Variants in SLC13A1 observed in about 807,000 individuals in gnomAD.
SLC13A1 encodes Na(+)/sulfate cotransporter.
SLC13A1 carries 65 observed loss-of-function variants against 70.0 expected under a neutral mutation model. The ratio of observed to expected loss-of-function variants is 0.93; its 90% CI spans 0.76 to 1.14. The LOEUF is 1.14. SLC13A1 is among the 50% of genes most tolerant of loss of function. SLC13A1 has a pLI of 0.00. For missense variants in SLC13A1, 726 were observed against 717.8 expected (o/e 1.01, Z -0.13); for synonymous variants, 275 against 250.5 (o/e 1.10, Z -0.92).
At chr7:123,154,007 A>G (rs542407831) in intron 6 of SLC13A1, among the ~76,000 whole-genome samples, 1 of 152,118 alleles carries the variant, frequency 6.6e-6, no homozygotes, top group South Asian at 2.1e-4. Context: ...TTTAACATAT[A>G]AAGGAATTAT....
chr7:123,189,414 T>C (rs1795926502), intron 1 of SLC13A1, among the ~76,000 whole-genome samples: 1 of 152,132 alleles, frequency 6.6e-6, no homozygotes, highest in Non-Finnish European at 1.5e-5. Flanking sequence ...TAAAAATAAG[T>C]TCTTACAGAA....
intron 1 of SLC13A1, among the ~76,000 whole-genome samples, chr7:123,196,091 A>G (rs1796168263): frequency 6.6e-6 from 1 of 152,116 alleles, no homozygotes; most frequent in African/African-American, 2.4e-5. Flanking sequence ...AGTTGCACAT[A>G]GAATATTACT....
intron 2 of SLC13A1, among the ~76,000 whole-genome samples, chr7:123,178,153 T>C: frequency 6.6e-6 from 1 of 152,078 alleles, no homozygotes; most frequent in East Asian, 1.9e-4. Context: ...TTGAACATAC[T>C]CTAAATACTT....
intron 6 of SLC13A1, among the ~76,000 whole-genome samples, chr7:123,161,804 T>C (rs1321152488): frequency 6.6e-6 from 1 of 152,148 alleles, no homozygotes; most frequent in African/African-American, 2.4e-5. Flanking sequence ...ATTTGGACTA[T>C]AGCTAACTTG....
intron 6 of SLC13A1, among the ~76,000 whole-genome samples, chr7:123,157,986 A>G (rs1487930029): frequency 1.3e-5 from 2 of 152,116 alleles, no homozygotes; most frequent in Non-Finnish European, 2.9e-5. Flanking sequence ...TTCTTAAAGC[A>G]CTAATTTATG....
chr7:123,124,512 AATCCCAGTTCC>A (rs1793495160), intron 11 of SLC13A1, among the ~76,000 whole-genome samples: 1 of 152,216 alleles, frequency 6.6e-6, no homozygotes. Context: ...CAACTACATA[AATCCCAGTTCC>A]ATCCCCATAA....
intron 6 of SLC13A1, among the ~76,000 whole-genome samples, chr7:123,163,602 A>T (rs1271760450): frequency 6.6e-6 from 1 of 152,092 alleles, no homozygotes; most frequent in African/African-American, 2.4e-5. Flanking sequence ...AGTTCTATTA[A>T]CAAGAATTTT....
chr7:123,180,569 C>G (rs1412929383), intron 2 of SLC13A1, among the ~76,000 whole-genome samples: 1 of 152,084 alleles, frequency 6.6e-6, no homozygotes, highest in African/African-American at 2.4e-5. Context: ...TTTGAAATGG[C>G]AGGTTTCTGG....
intron 10 of SLC13A1, among the ~76,000 whole-genome samples, chr7:123,127,729 A>G (rs1793606898): frequency 6.6e-6 from 1 of 151,946 alleles, no homozygotes; most frequent in Non-Finnish European, 1.5e-5. Flanking sequence ...AAACATTGAC[A>G]ATGCCTATAA....
chr7:123,191,277 T>G (rs1314061884), intron 1 of SLC13A1, among the ~76,000 whole-genome samples: 1 of 152,182 alleles, frequency 6.6e-6, no homozygotes, highest in Non-Finnish European at 1.5e-5. Context: ...GTTTGCTTCC[T>G]GTGAGCCATC....
chr7:123,197,316 T>C (rs777900773), intron 1 of SLC13A1, among the ~76,000 whole-genome samples: 3 of 152,126 alleles, frequency 2.0e-5, no homozygotes, highest in Non-Finnish European at 1.5e-5. Context: ...TTATTTTTTA[T>C]AATTGTGGTT....
chr7:123,142,727 C>G (rs1161768768), intron 7 of SLC13A1, among the ~76,000 whole-genome samples: 2 of 147,308 alleles, frequency 1.4e-5, no homozygotes, highest in African/African-American at 2.5e-5. Context: ...AAGCGATTCT[C>G]CTGCCTCAGC....
intron 7 of SLC13A1, among the ~76,000 whole-genome samples, chr7:123,136,292 G>A (rs1481842624): frequency 6.6e-6 from 1 of 152,156 alleles, no homozygotes; most frequent in Non-Finnish European, 1.5e-5. Flanking sequence ...GCCTGAAAAA[G>A]TTAAACTTCA....
intron 2 of SLC13A1, 144 bp from the exon 3 acceptor site, chr7:123,172,048 G>T (rs893840681): frequency 1.3e-6 from 1 of 742,002 alleles, no homozygotes; most frequent in Non-Finnish European, 2.1e-6. Flanking sequence ...AGATGTGTTT[G>T]AATACAAATT....
At chr7:123,191,445 TCTG>T (rs1795994380) in intron 1 of SLC13A1, among the ~76,000 whole-genome samples, 1 of 152,252 alleles carries the variant, frequency 6.6e-6, no homozygotes, top group Non-Finnish European at 1.5e-5. Context: ...TGTTTGCTTT[TCTG>T]ACTCATTCTG....
Position 123,134,549 on chromosome 7 carries a change from C to G in SLC13A1, c.813-20G>C, listed in dbSNP as rs2470983. 1.2e-6 allele frequency: 2 copies of G among 1,609,148 alleles called. No individual in the cohort carries two copies. Among genetic ancestry groups the G allele is most frequent in the Admixed American group, 3.4e-5 (2 of 59,668 alleles). ...TAGCGTCTGTGTGAAAACATGGAGA[C>G]GTGTTCAGGGATGGAGAGACAGGTG... On this transcript the variant is annotated intron_variant, in intron 7 of 14. Transcript: ENST00000194130.
Position 123,169,285 on chromosome 7 carries a change from C to A in SLC13A1, c.416G>T (p.Ser139Ile), listed in dbSNP as rs1346636223. 6.2e-7 allele frequency: 1 copy of A among 1,613,804 alleles called. No individual in the cohort carries two copies. The highest frequency in any genetic ancestry group is 1.1e-5 in the South Asian group (1 of 91,078). The change falls in exon 4 of 15, where the codon AGC (serine) becomes ATC (isoleucine). Residue 139 changes from serine (S) to isoleucine (I), a missense_variant. Ser to Ile is a moderately radical substitution (Grantham distance 142). Coordinates refer to ENST00000194130, the MANE Select transcript of SLC13A1 (RefSeq NM_022444.4). ...CACCATGGCAGCCGTCGAGGTGTTG[C>A]TGAGCCACATAGACAAAAAGGCAGT... The part of the protein sequence containing the change: ...SSTAFLSMWL[S>I]NTSTAAMVMP...
chr7:123,190,830 G>A (rs1225882925), intron 1 of SLC13A1, among the ~76,000 whole-genome samples: 1 of 152,018 alleles, frequency 6.6e-6, no homozygotes, highest in Non-Finnish European at 1.5e-5. Flanking sequence ...GATTTTGTTT[G>A]TTTTTTTAAT....
intron 7 of SLC13A1, among the ~76,000 whole-genome samples, chr7:123,144,734 A>G (rs1186659355): frequency 6.6e-6 from 1 of 152,198 alleles, no homozygotes; most frequent in Non-Finnish European, 1.5e-5. Flanking sequence ...CCTAAAGCAC[A>G]TTTACACGTC....
Sources: gnomAD v4.1 joint callset for allele counts (sites outside exome capture counted in the v4.1 genomes callset) on GRCh38, gnomAD v4.1.1 for gene constraint, MANE v1.5 for transcripts, NCBI Gene and HGNC (gene_info 2026-07-23, HGNC 2026-07-21) for gene names.